The following WNT11 variants were observed in gnomAD, a reference collection of about 807,000 sequenced individuals.
The protein encoded by WNT11 is Wnt family member 11, also known as protein Wnt-11.
WNT11 carries 20 observed loss-of-function variants against 35.6 expected under a neutral mutation model. The observed-to-expected ratio is 0.56, with a 90% CI of 0.40 to 0.82. The LOEUF is 0.82. WNT11 is among the 40% of genes least tolerant of loss of function. The pLI, the probability that WNT11 is intolerant of heterozygous loss-of-function variation, is 0.00. For synonymous variants in WNT11, 200 were observed against 211.9 expected, an observed-to-expected ratio of 0.94 and a Z score of 0.49; for missense variants, 459 against 504.4, an observed-to-expected ratio of 0.91 and a Z score of 0.86.
At chr11:76,206,680 C>A, upstream of WNT11, 2 of 604,972 alleles carry the variant, frequency 3.3e-6, no homozygotes, top group South Asian at 1.5e-4. Flanking sequence ...CGGCCGAAGG[C>A]GTGTCTCCCA....
chr11:76,210,714 T>C, upstream of WNT11: 1 of 974,270 alleles, frequency 1.0e-6, no homozygotes, highest in Non-Finnish European at 1.2e-6. Flanking sequence ...TCCCGTGGCC[T>C]GTGCTCGCCG....
chr11:76,201,707 GCT>G (rs1257362994), intron 1 of WNT11, among the ~76,000 whole-genome samples: 3 of 152,152 alleles, frequency 2.0e-5, no homozygotes, highest in Non-Finnish European at 4.4e-5. Flanking sequence ...TGGCTCAGCA[GCT>G]CTCTCCCTGT....
upstream of WNT11, chr11:76,206,534 C>G: frequency 8.2e-7 from 1 of 1,226,046 alleles, no homozygotes; most frequent in Non-Finnish European, 1.0e-6. Context: ...CGGGTTAAGG[C>G]GGCGCGCGGG....
At position 76,206,479 on chromosome 11, in the gene WNT11, C is replaced by G; in HGVS notation, c.-72G>C. 1 of 1,302,952 alleles carries G rather than the reference C, an allele frequency of 7.7e-7. No individual in the cohort carries two copies. Among genetic ancestry groups the G allele is most frequent in the East Asian group, 3.2e-5 (1 of 31,590 alleles). 80.7% of individuals were successfully genotyped at this position (1,302,952 alleles called of 1,614,324 possible). A position where few individuals can be genotyped will look rare whatever the true frequency, so the allele number is the denominator to read the frequency against. On this transcript the variant is annotated 5_prime_UTR_variant, in exon 1 of 5. Transcript: ENST00000322563. ...CCGAAGTCCTCCGCCTGCACGGCCG[C>G]CGCTGGTCCTGCACGCCGCCTGCAG...
At chr11:76,191,994 T>G in intron 3 of WNT11, 138 bp from the exon 4 acceptor site, 1 of 1,162,410 alleles carries the variant, frequency 8.6e-7, no homozygotes, top group Non-Finnish European at 1.2e-6. Flanking sequence ...TAGAGCTTTT[T>G]GCTTTAAAGC....
upstream of WNT11, chr11:76,206,589 C>T (rs1953479456): frequency 8.7e-7 from 1 of 1,152,678 alleles, no homozygotes. Flanking sequence ...GGTCGGGGCC[C>T]GGGGAGGCCG....
At chr11:76,210,570 G>C, upstream of WNT11, 1 of 985,232 alleles carries the variant, frequency 1.0e-6, no homozygotes, top group African/African-American at 1.7e-5. Flanking sequence ...GCGCACTCCG[G>C]CTGGGCGAGC....
chr11:76,192,432 G>A (rs894519631), intron 3 of WNT11, among the ~76,000 whole-genome samples: 3 of 152,184 alleles, frequency 2.0e-5, no homozygotes, highest in Non-Finnish European at 4.4e-5. Flanking sequence ...CCTCCCCGCC[G>A]CCTGGCTGAC....
At chr11:76,203,279 T>TG (rs1220109619) in intron 1 of WNT11, among the ~76,000 whole-genome samples, 1 of 152,240 alleles carries the variant, frequency 6.6e-6, no homozygotes, top group Non-Finnish European at 1.5e-5. Context: ...GAACTCAGGC[T>TG]GGGCCTTGCA....
rs114136122 is a variant in WNT11 at position 76,204,314 on chromosome 11, A to T, written c.83+2011T>A. ...TATCAGTTTCTCATAGGAGTGCAGT[A>T]TGATCTAACTTACATGACCCAAGCT... On this transcript the variant is annotated intron_variant, in intron 1 of 4. Transcript: ENST00000322563. Among the ~76,000 whole-genome samples the T allele has an allele frequency of 8.8e-3, 1,339 of 152,300 alleles. 23 individuals are homozygous for T. Among genetic ancestry groups the T allele is most frequent in the African/African-American group, 0.031 (1,294 of 41,558 alleles).
rs755075137 is a variant in WNT11 at position 76,191,706 on chromosome 11, G to T, written c.748C>A (p.Arg250=). ...RYLSATKVVH[R]PMGTRKHLVP... Reference sequence around the variant, plus strand: ...AGGTGCTTGCGGGTGCCCATGGGTCGGTGCACTACCTTGGTGGCCGACAGG... The same window carrying T: ...AGGTGCTTGCGGGTGCCCATGGGTCTGTGCACTACCTTGGTGGCCGACAGG... The change falls in exon 4 of 5, where the codon CGA becomes AGA. Residue 250 remains arginine, a synonymous_variant. Transcript: ENST00000322563. 2.5e-6 allele frequency: 4 copies of T among 1,613,900 alleles called. No homozygotes were observed. Among genetic ancestry groups the T allele is most frequent in the African/African-American group, 1.3e-5 (1 of 75,054 alleles).
intron 4 of WNT11, among the ~76,000 whole-genome samples, chr11:76,188,066 G>A (rs941360175): frequency 6.6e-6 from 1 of 152,200 alleles, no homozygotes; most frequent in African/African-American, 2.4e-5. Flanking sequence ...TATGAGAGAT[G>A]TCAAGATCAT....
intron 1 of WNT11, among the ~76,000 whole-genome samples, chr11:76,205,000 A>G (rs1233921469): frequency 1.3e-5 from 2 of 152,114 alleles, no homozygotes; most frequent in Non-Finnish European, 1.5e-5. Flanking sequence ...TGCCAGCTGG[A>G]ACAGTGCTGG....
At chr11:76,187,326 C>A in intron 4 of WNT11, 87 bp from the exon 5 acceptor site, 1 of 1,342,734 alleles carries the variant, frequency 7.4e-7, no homozygotes, top group East Asian at 2.7e-5. Context: ...CAGCCGGCAG[C>A]GTCTCCCATG....
At chr11:76,208,669 C>T (rs1953511000), upstream of WNT11, among the ~76,000 whole-genome samples, 1 of 152,162 alleles carries the variant, frequency 6.6e-6, no homozygotes, top group Non-Finnish European at 1.5e-5. Context: ...GATCTGTGTC[C>T]AGCCTGGTCT....
At chr11:76,189,022 T>A (rs1591299480) in intron 4 of WNT11, among the ~76,000 whole-genome samples, 1 of 152,110 alleles carries the variant, frequency 6.6e-6, no homozygotes. Context: ...GACCAGCAAG[T>A]GGGGGCTGCC....
intron 1 of WNT11, among the ~76,000 whole-genome samples, chr11:76,200,974 C>T (rs1953365466): frequency 6.6e-6 from 1 of 152,194 alleles, no homozygotes; most frequent in African/African-American, 2.4e-5. Flanking sequence ...CTGGGGAGCT[C>T]AGTGCAGACA....
chr11:76,202,173 G>A lies in WNT11; in HGVS notation c.83+4152C>T, dbSNP rs919660863. On this transcript the variant is annotated intron_variant, in intron 1 of 4. Coordinates refer to ENST00000322563, the MANE Select transcript of WNT11 (RefSeq NM_004626.3). The stretch of plus-strand genomic sequence containing the variant: ...GGCCTCAGAAGGTGCCCCCATCAGC[G>A]CCACCCAGAATGTAGCCTGGCAGCT... Among the ~76,000 whole-genome samples, 10 of 152,186 alleles carry A rather than the reference G, an allele frequency of 6.6e-5. 1 individual carries two copies. Among genetic ancestry groups the A allele is most frequent in the South Asian group, 4.1e-4 (2 of 4,828 alleles).
At position 76,187,158 on chromosome 11, in the gene WNT11, G is replaced by A. The variant is rs767017101; in HGVS notation, c.972C>T (p.Arg324=). ...CGRGYNPYTD[R]VVERCHCKYH... ...ACTTACAGTGGCACCGCTCGACCAC[G>A]CGGTCTGTGTAGGGGTTGTAGCCAC... The change falls in exon 5 of 5, where the codon CGC becomes CGT. Residue 324 remains arginine, a synonymous_variant. Transcript: ENST00000322563. The A allele has an allele frequency of 2.5e-5, 40 of 1,611,722 alleles. No homozygotes were observed. The highest frequency in any genetic ancestry group is 1.1e-4 in the East Asian group (5 of 44,886).
Sources: gnomAD v4.1 joint callset for allele counts (sites outside exome capture counted in the v4.1 genomes callset) on GRCh38, gnomAD v4.1.1 for gene constraint, MANE v1.5 for transcripts, NCBI Gene and HGNC (gene_info 2026-07-23, HGNC 2026-07-21) for gene names.